Variants in PCCB observed in about 807,000 individuals in gnomAD.
PCCB encodes propionyl-CoA carboxylase subunit beta, also known as propionyl-CoA carboxylase beta chain, mitochondrial.
A neutral mutation model predicts 60.7 loss-of-function variants in PCCB; 43 were observed. The ratio of observed to expected loss-of-function variants is 0.71; its 90% CI spans 0.55 to 0.91. PCCB has a LOEUF of 0.91. Among genes scored for constraint, PCCB ranks in the 40% least tolerant of loss-of-function variants. PCCB has a pLI of 0.00. For synonymous variants in PCCB, 276 were observed against 255.9 expected (o/e 1.08, Z -0.75); for missense variants, 766 against 702.8 (o/e 1.09, Z -1.02).
At chr3:136,294,702 C>T (rs72985500) in intron 7 of PCCB, among the ~76,000 whole-genome samples, 89 of 152,210 alleles carry the variant, frequency 5.8e-4, no homozygotes, top group African/African-American at 2.0e-3. Flanking sequence ...CTCAGTCTTC[C>T]GGGCTCAAGT....
At chr3:136,251,201 G>A (rs1559992633) in intron 1 of PCCB, 3 of 456,522 alleles carry the variant, frequency 6.6e-6, no homozygotes, top group Non-Finnish European at 1.3e-5. Context: ...TGGCTGGACT[G>A]AGCAGTTGAA....
chr3:136,279,818 C>A (rs1254849333), intron 5 of PCCB, among the ~76,000 whole-genome samples: 1 of 152,084 alleles, frequency 6.6e-6, no homozygotes, highest in Non-Finnish European at 1.5e-5. Context: ...CAGGCGCGCA[C>A]CACCATGCCT....
rs557773451 is a variant in PCCB, at chr3:136,305,691, A to G, written c.966+4580A>G. On this transcript the variant is annotated intron_variant, in intron 9 of 14. Transcript: ENST00000251654. ...TTAAACTGGGGAGGCACAGGTTGCA[A>G]TGAGCTGAGATTGCACCATTGCATT... Among the ~76,000 whole-genome samples the G allele has an allele frequency of 2.6e-5, 3 of 115,746 alleles. 1 individual carries two copies. Among genetic ancestry groups the G allele is most frequent in the Non-Finnish European group, 3.8e-5 (2 of 52,200 alleles). 75.9% of individuals were successfully genotyped at this position (115,746 alleles called of 152,430 possible). A position where few individuals can be genotyped will look rare whatever the true frequency, so the allele number is the denominator to read the frequency against.
intron 6 of PCCB, among the ~76,000 whole-genome samples, chr3:136,287,954 G>A (rs145140608): frequency 5.7e-4 from 87 of 152,292 alleles, no homozygotes; most frequent in African/African-American, 2.0e-3. Flanking sequence ...GGTAATGCCC[G>A]TCTGTTTACT....
At chr3:136,259,541 G>T (rs745792886) in intron 3 of PCCB, among the ~76,000 whole-genome samples, 1 of 152,178 alleles carries the variant, frequency 6.6e-6, no homozygotes, top group African/African-American at 2.4e-5. Flanking sequence ...CATAGAATCT[G>T]ATATTAGAGT....
At chr3:136,269,170 A>C (rs535252898) in intron 5 of PCCB, among the ~76,000 whole-genome samples, 88 of 152,234 alleles carry the variant, frequency 5.8e-4, no homozygotes, top group African/African-American at 1.9e-3. Context: ...AATCCCAGCT[A>C]CTCAGAAGGC....
chr3:136,323,813 A>G (rs1285418775), intron 10 of PCCB, among the ~76,000 whole-genome samples: 1 of 151,668 alleles, frequency 6.6e-6, no homozygotes, highest in Non-Finnish European at 1.5e-5. Flanking sequence ...ATCTCAAAAA[A>G]AAAAAAAAAA....
At chr3:136,259,774 A>G (rs181307158) in intron 3 of PCCB, among the ~76,000 whole-genome samples, 19 of 152,328 alleles carry the variant, frequency 1.2e-4, no homozygotes, top group African/African-American at 4.3e-4. Flanking sequence ...TTTTTTAAAT[A>G]CAGAGTCTCG....
intron 5 of PCCB, among the ~76,000 whole-genome samples, chr3:136,269,667 C>T (rs1317126482): frequency 1.3e-5 from 2 of 151,960 alleles, no homozygotes; most frequent in East Asian, 1.9e-4. Flanking sequence ...GGGCATATCA[C>T]GAGGTCAGGA....
Position 136,315,365 on chromosome 3 carries a change from C to T in PCCB, c.967-1576C>T, listed in dbSNP as rs115474959. 6.8e-3 allele frequency among the ~76,000 whole-genome samples: 1,040 copies of T among 152,154 alleles called. 16 individuals are homozygous for T. Among genetic ancestry groups the T allele is most frequent in the African/African-American group, 0.024 (990 of 41,518 alleles). On this transcript the variant is annotated intron_variant, in intron 9 of 14. Coordinates refer to ENST00000251654, the MANE Select transcript of PCCB (RefSeq NM_000532.5). ...TCTGACCAACATGGTGAAACCATCTCTAAAAATACAAAAAAATTAGCTGGG... is the reference window on the plus strand; with the variant it reads ...TCTGACCAACATGGTGAAACCATCTTTAAAAATACAAAAAAATTAGCTGGG...
intron 9 of PCCB, among the ~76,000 whole-genome samples, chr3:136,315,754 GGA>G (rs1934865765): frequency 6.6e-6 from 1 of 151,764 alleles, no homozygotes; most frequent in Non-Finnish European, 1.5e-5. Context: ...CTTGAGCCCT[GGA>G]GGTTAAGGCT....
intron 1 of PCCB, chr3:136,251,104 C>T: frequency 2.4e-6 from 1 of 417,598 alleles, no homozygotes; most frequent in South Asian, 1.7e-5. Flanking sequence ...TCTTTAGGGC[C>T]TTAGCATGCC....
chr3:136,301,414 A>G (rs1003298136), intron 9 of PCCB, among the ~76,000 whole-genome samples: 2 of 152,138 alleles, frequency 1.3e-5, no homozygotes, highest in African/African-American at 4.8e-5. Context: ...ATGTCCACAG[A>G]GTCTAGAGTG....
Position 136,329,956 on chromosome 3 carries a change from G to A in PCCB, c.1550G>A (p.Cys517Tyr). The A allele has an allele frequency of 1.2e-6, 2 of 1,614,196 alleles. No homozygotes were observed. Among genetic ancestry groups the A allele is most frequent in the Non-Finnish European group, 1.7e-6 (2 of 1,180,026 alleles). ...TCTTCCACACGTGCCCGAATCTGCT[G>A]TGACCTGGATGTCTTGGCCAGCAAG... Reference protein sequence around the residue: ...QPSSTRARICCDLDVLASKKV... With the variant: ...QPSSTRARICYDLDVLASKKV... Residue 517 changes from cysteine (C) to tyrosine (Y), a missense_variant, in exon 15 of 15, where the codon TGT becomes TAT. Transcript: ENST00000251654.
At chr3:136,309,529 G>C (rs1188277061) in intron 9 of PCCB, among the ~76,000 whole-genome samples, 2 of 152,194 alleles carry the variant, frequency 1.3e-5, no homozygotes, top group Admixed American at 6.5e-5. Flanking sequence ...GCCAGGTGTG[G>C]TGGCTCATGC....
At chr3:136,253,959 A>G (rs1164548714) in intron 1 of PCCB, among the ~76,000 whole-genome samples, 1 of 151,778 alleles carries the variant, frequency 6.6e-6, no homozygotes, top group Non-Finnish European at 1.5e-5. Context: ...GTATAAATAT[A>G]TTTTAAAAAT....
chr3:136,256,138 T>C, intron 2 of PCCB, 163 bp downstream of exon 2: 2 of 1,022,084 alleles, frequency 2.0e-6, no homozygotes, highest in East Asian at 5.3e-5. Flanking sequence ...AGATGGGCTT[T>C]CGCCATGTTG....
At position 136,306,252 on chromosome 3, in the gene PCCB, C is replaced by A. The variant is rs1428664341; in HGVS notation, c.966+5141C>A. On this transcript the variant is annotated intron_variant, in intron 9 of 14. Coordinates refer to ENST00000251654, the MANE Select transcript of PCCB (RefSeq NM_000532.5). ...ATGAAGCAGCTGACTATGCTTCAATCTGAGTGCAGTAGCCCCTGATAAGCA... is the reference window on the plus strand; with the variant it reads ...ATGAAGCAGCTGACTATGCTTCAATATGAGTGCAGTAGCCCCTGATAAGCA... 1.6e-5 allele frequency among the ~76,000 whole-genome samples: 2 copies of A among 122,830 alleles called. 1 individual carries two copies. Among genetic ancestry groups the A allele is most frequent in the Non-Finnish European group, 3.6e-5 (2 of 55,026 alleles). 80.6% of individuals were successfully genotyped at this position (122,830 alleles called of 152,430 possible).
At position 136,250,540 on chromosome 3, in the gene PCCB, T is replaced by G. The variant is rs773714443; in HGVS notation, c.165T>G (p.Ile55Met). The G allele has an allele frequency of 6.2e-7, 1 of 1,612,558 alleles. No homozygotes were observed. The highest frequency in any genetic ancestry group is 8.5e-7 in the Non-Finnish European group (1 of 1,179,702). Reference protein sequence around the residue: ...TALLGGGQRRIDAQHKRGKLT... With the variant: ...TALLGGGQRRMDAQHKRGKLT... ...TGCTGGGAGGGGGCCAACGCCGTAT[T>G]GACGCGCAGCACAAGCGAGTGAGTC... Residue 55 changes from isoleucine (I) to methionine (M), a missense_variant, in exon 1 of 15, where the codon ATT becomes ATG. Ile to Met is a conservative substitution (Grantham distance 10). Transcript: ENST00000251654.
Sources: gnomAD v4.1 joint callset for allele counts (sites outside exome capture counted in the v4.1 genomes callset) on GRCh38, gnomAD v4.1.1 for gene constraint, MANE v1.5 for transcripts, NCBI Gene and HGNC (gene_info 2026-07-23, HGNC 2026-07-21) for gene names.